The following TM9SF3 variants were observed in gnomAD, a reference collection of about 807,000 sequenced individuals.
TM9SF3 encodes the protein transmembrane 9 superfamily member 3.
Under a neutral mutation model 78.6 loss-of-function variants are expected in TM9SF3, and 14 were observed. The observed-to-expected ratio is 0.18, with a 90% CI of 0.12 to 0.28. The LOEUF (loss-of-function observed/expected upper bound fraction) is 0.28, where lower values mean the gene tolerates loss of function less well. Ranked by LOEUF, TM9SF3 falls within the 10% of genes least tolerant of loss-of-function variation. The probability of loss-of-function intolerance (pLI) is 1.00; values close to 1 mark genes in which losing one functional copy is unlikely to be tolerated. For missense variants in TM9SF3, 496 were observed against 721.9 expected, an observed-to-expected ratio of 0.69 and a Z score of 3.59; for synonymous variants, 231 against 241.7, an observed-to-expected ratio of 0.96 and a Z score of 0.41.
chr10:96,522,486 T>C (rs1479728526), intron 14 of TM9SF3, among the ~76,000 whole-genome samples, 156 bp from the exon 15 acceptor site: 1 of 151,924 alleles, frequency 6.6e-6, no homozygotes, highest in Non-Finnish European at 1.5e-5. Context: ...AACTGTATCA[T>C]TTGCTTTGCA....
intron 9 of TM9SF3, among the ~76,000 whole-genome samples, chr10:96,533,575 T>TA (rs966954092): frequency 1.3e-5 from 2 of 152,182 alleles, no homozygotes; most frequent in Non-Finnish European, 2.9e-5. Flanking sequence ...TAAAATGCAC[T>TA]AAGAGCTTTA....
intron 8 of TM9SF3, among the ~76,000 whole-genome samples, chr10:96,547,145 T>C (rs1848111108): frequency 6.6e-6 from 1 of 152,216 alleles, no homozygotes; most frequent in African/African-American, 2.4e-5. Flanking sequence ...TGACAAAGAA[T>C]AGCAGAAATC....
chr10:96,570,492 G>A (rs1263539055), intron 2 of TM9SF3, among the ~76,000 whole-genome samples: 1 of 152,140 alleles, frequency 6.6e-6, no homozygotes, highest in Admixed American at 6.5e-5. Flanking sequence ...CAAATCTGCT[G>A]TTAGTACAAG....
chr10:96,557,798 T>C (rs1382050115), intron 5 of TM9SF3, among the ~76,000 whole-genome samples: 1 of 152,238 alleles, frequency 6.6e-6, no homozygotes, highest in Admixed American at 6.5e-5. Flanking sequence ...TTCAGAGGCT[T>C]ACCTTGACTA....
intron 3 of TM9SF3, 36 bp downstream of exon 3, chr10:96,565,268 T>C: frequency 6.8e-7 from 1 of 1,466,056 alleles, no homozygotes; most frequent in Non-Finnish European, 9.0e-7. Flanking sequence ...ATTATGCAAA[T>C]TTTCCCAAAT....
intron 6 of TM9SF3, among the ~76,000 whole-genome samples, chr10:96,552,630 A>G (rs1396782335): frequency 6.6e-6 from 1 of 152,222 alleles, no homozygotes; most frequent in Non-Finnish European, 1.5e-5. Context: ...ATTTAACAGT[A>G]TTAGACATAT....
Position 96,568,417 on chromosome 10 carries a change from C to T in TM9SF3, c.299-2991G>A, listed in dbSNP as rs1010827401. Among the ~76,000 whole-genome samples, 13 of 152,086 alleles carry T rather than the reference C, an allele frequency of 8.5e-5. No homozygotes were observed. The East Asian group carries it at 2.5e-3, about 29-fold the overall frequency. On this transcript the variant is annotated intron_variant, in intron 2 of 14. Transcript: ENST00000371142. ...ATTTTACTAATGTAAATAGTTCTTA[C>T]GAGGGAAAAAAACAAAGTAGTAAAG...
intron 4 of TM9SF3, chr10:96,560,829 A>C: frequency 1.9e-6 from 1 of 539,244 alleles, no homozygotes; most frequent in Non-Finnish European, 3.6e-6. Context: ...AAAATCCTTC[A>C]AAAACAGGAA....
At position 96,520,748 on chromosome 10, in the gene TM9SF3, A is replaced by G; in HGVS notation, c.*1515T>C. ...CACTTTTACCCCATCCCCACTTTAC[A>G]CGGTACACCAACCTGAACAGATTTT... On this transcript the variant is annotated 3_prime_UTR_variant, in exon 15 of 15. Coordinates refer to ENST00000371142, the MANE Select transcript of TM9SF3 (RefSeq NM_020123.4). 1.0e-5 allele frequency: 4 copies of G among 393,548 alleles called. No homozygotes were observed. The East Asian group carries it at 1.4e-4, about 14-fold the overall frequency. The allele number at this position is 393,548 out of a possible 1,614,324, so 24.4% of individuals were successfully genotyped here.
At chr10:96,566,699 A>C (rs894564339) in intron 2 of TM9SF3, among the ~76,000 whole-genome samples, 4 of 152,160 alleles carry the variant, frequency 2.6e-5, no homozygotes, top group Non-Finnish European at 4.4e-5. Context: ...AAACAAACAA[A>C]CAACAACAAA....
chr10:96,530,790 A>G (rs1847885750), intron 10 of TM9SF3, among the ~76,000 whole-genome samples, 182 bp from the exon 11 acceptor site: 1 of 152,226 alleles, frequency 6.6e-6, no homozygotes, highest in Admixed American at 6.5e-5. Context: ...CAAATTAGCC[A>G]TAGGTTACAA....
intron 9 of TM9SF3, among the ~76,000 whole-genome samples, chr10:96,542,437 T>C (rs1022405556): frequency 9.2e-5 from 14 of 152,310 alleles, no homozygotes; most frequent in African/African-American, 4.8e-5. Flanking sequence ...TTCTAATAAT[T>C]TGTAATTATT....
chr10:96,546,809 C>T (rs1452083183), intron 8 of TM9SF3, among the ~76,000 whole-genome samples: 2 of 152,274 alleles, frequency 1.3e-5, no homozygotes, highest in East Asian at 3.9e-4. Context: ...GCCCAGTCTA[C>T]TAAAAGAAGG....
At chr10:96,574,008 G>C (rs1848469071) in intron 2 of TM9SF3, among the ~76,000 whole-genome samples, 2 of 152,150 alleles carry the variant, frequency 1.3e-5, no homozygotes, top group Non-Finnish European at 2.9e-5. Context: ...TAAGGACATA[G>C]GCATGGGCAG....
In TM9SF3 at chr10:96,586,794, G is replaced by A. The variant is rs775431764; in HGVS notation, c.42C>T (p.Ala14=). The A allele has an allele frequency of 1.6e-6, 2 of 1,280,208 alleles. No individual in the cohort carries two copies. Among genetic ancestry groups the A allele is most frequent in the South Asian group, 2.5e-5 (1 of 39,252 alleles). 79.3% of individuals were successfully genotyped at this position (1,280,208 alleles called of 1,614,324 possible). Residue 14 remains alanine (A), a synonymous_variant, in exon 1 of 15, where the codon GCC becomes GCT. Coordinates refer to ENST00000371142, the MANE Select transcript of TM9SF3 (RefSeq NM_020123.4). Reference sequence around the variant, plus strand: ...GCAGCAGCAGCAGCAGCCACAGCGCGGCGGCCGCCGCCACGCCAAGAGCGC... The same window carrying A: ...GCAGCAGCAGCAGCAGCCACAGCGCAGCGGCCGCCGCCACGCCAAGAGCGC... ...LPGALGVAAA[A]ALWLLLLLLP...
intron 1 of TM9SF3, among the ~76,000 whole-genome samples, chr10:96,580,939 GGTTA>G (rs1848561503): frequency 6.6e-6 from 1 of 152,098 alleles, no homozygotes; most frequent in Admixed American, 6.5e-5. Context: ...AAGTTTAAAA[GGTTA>G]GTATTTTTGC....
intron 7 of TM9SF3, among the ~76,000 whole-genome samples, chr10:96,550,938 A>G (rs1021563908): frequency 1.3e-5 from 2 of 152,218 alleles, no homozygotes; most frequent in Non-Finnish European, 2.9e-5. Context: ...CTTTAGGAAA[A>G]AAAAGGCTAT....
At chr10:96,540,271 T>G (rs1439126222) in intron 9 of TM9SF3, among the ~76,000 whole-genome samples, 1 of 152,220 alleles carries the variant, frequency 6.6e-6, no homozygotes, top group East Asian at 1.9e-4. Flanking sequence ...AAGGATAGCA[T>G]GTACATACTA....
chr10:96,530,391 C>A, intron 11 of TM9SF3, 149 bp downstream of exon 11: 3 of 622,224 alleles, frequency 4.8e-6, no homozygotes, highest in Non-Finnish European at 8.2e-6. Flanking sequence ...CCAACAGCTA[C>A]CTTTATATAG....
Sources: allele counts gnomAD v4.1 joint callset (sites outside exome capture counted in the v4.1 genomes callset), GRCh38; gene constraint gnomAD v4.1.1; transcripts MANE v1.5; gene names NCBI Gene and HGNC (gene_info 2026-07-23, HGNC 2026-07-21).